The following MMD2 variants were observed in gnomAD, a reference collection of about 807,000 sequenced individuals.
The protein encoded by MMD2 is monocyte to macrophage differentiation associated 2, also known as monocyte to macrophage differentiation factor 2.
Under a neutral mutation model 33.5 loss-of-function variants are expected in MMD2, and 30 were observed. That is an observed-to-expected ratio of 0.90 (90% CI 0.67 to 1.22). The LOEUF (loss-of-function observed/expected upper bound fraction) is 1.22, where lower values mean the gene tolerates loss of function less well. MMD2 is among the 50% of genes most tolerant of loss of function. The probability of loss-of-function intolerance (pLI) is 0.00; values close to 1 mark genes in which losing one functional copy is unlikely to be tolerated. For missense variants in MMD2, 364 were observed against 325.4 expected (o/e 1.12, Z -0.91); for synonymous variants, 129 against 123.0 (o/e 1.05, Z -0.32).
At chr7:4,958,704 C>T (rs961226997) in intron 1 of MMD2, among the ~76,000 whole-genome samples, 1 of 152,232 alleles carries the variant, frequency 6.6e-6, no homozygotes, top group Non-Finnish European at 1.5e-5. Context: ...GCATAACCCC[C>T]GTTTTGCAAA....
chr7:4,895,533 T>A, the MMD2 span, among the ~76,000 whole-genome samples: 1 of 151,286 alleles, frequency 6.6e-6, no homozygotes, highest in African/African-American at 2.4e-5. Flanking sequence ...CCAGGCATTC[T>A]TTTTTTTTCT....
downstream of MMD2, among the ~76,000 whole-genome samples, chr7:4,901,004 G>T (rs1395135632): frequency 6.6e-6 from 1 of 151,980 alleles, no homozygotes. Context: ...GCCGGGTATG[G>T]TGGTGGGCGC....
chr7:4,900,245 G>C, the MMD2 span, among the ~76,000 whole-genome samples: 1 of 152,192 alleles, frequency 6.6e-6, no homozygotes, highest in East Asian at 1.9e-4. Flanking sequence ...CTGGGAGACA[G>C]AGCGAGACTG....
chr7:4,932,981 CT>C (rs60873210), intron 1 of MMD2, among the ~76,000 whole-genome samples: 24,625 of 145,040 alleles, frequency 0.17, 2,065 homozygotes, highest in East Asian at 0.29. Context: ...GTTTTACAGC[CT>C]TTTTTTTTTT....
At chr7:4,919,026 G>T (rs1330533718) in intron 3 of MMD2, among the ~76,000 whole-genome samples, 1 of 152,038 alleles carries the variant, frequency 6.6e-6, no homozygotes, top group Non-Finnish European at 1.5e-5. Flanking sequence ...TTGAGCCCTG[G>T]AGGTGGAGGC....
chr7:4,950,991 G>A (rs1786227272), intron 1 of MMD2, among the ~76,000 whole-genome samples: 1 of 152,084 alleles, frequency 6.6e-6, no homozygotes, highest in East Asian at 1.9e-4. Context: ...GGGATTACAG[G>A]CGTGAGCCAC....
intron 1 of MMD2, among the ~76,000 whole-genome samples, chr7:4,951,364 G>C (rs1786238629): frequency 6.6e-6 from 1 of 151,954 alleles, no homozygotes; most frequent in Non-Finnish European, 1.5e-5. Context: ...GGACTCGTTG[G>C]GACCAGGCTC....
chr7:4,906,167 TCCAG>T lies in MMD2; in HGVS notation c.*1225_*1228del. 1 of 253,934 alleles carries T rather than the reference TCCAG, an allele frequency of 3.9e-6. No individual in the cohort carries two copies. The highest frequency in any genetic ancestry group is 7.5e-6 in the Non-Finnish European group (1 of 134,088). 15.7% of individuals were successfully genotyped at this position (253,934 alleles called of 1,614,324 possible). The stretch of plus-strand genomic sequence containing the variant: ...CTCCTGACTTGAGACAGATTCTTTA[TCCAG>T]AGAATCTGAGATTCCAATTCAGATC... On this transcript the variant is annotated 3_prime_UTR_variant, in exon 7 of 7. Coordinates refer to ENST00000401401, the MANE Select transcript of MMD2 (RefSeq NM_198403.4).
At chr7:4,896,770 C>A in the MMD2 span, among the ~76,000 whole-genome samples, 2 of 152,150 alleles carry the variant, frequency 1.3e-5, no homozygotes, top group Non-Finnish European at 2.9e-5. Flanking sequence ...CTAAATACCC[C>A]ATTTTGTTTT....
intron 1 of MMD2, among the ~76,000 whole-genome samples, chr7:4,951,517 C>A (rs1786243085): frequency 6.6e-6 from 1 of 152,154 alleles, no homozygotes; most frequent in Non-Finnish European, 1.5e-5. Context: ...AGCCCACTTA[C>A]ATGCTGCAAC....
intron 2 of MMD2, among the ~76,000 whole-genome samples, chr7:4,921,798 A>G (rs1785292853): frequency 6.6e-6 from 1 of 152,164 alleles, no homozygotes; most frequent in Admixed American, 6.6e-5. Flanking sequence ...ACAGGTCAAC[A>G]GCAATGCACC....
At chr7:4,937,053 G>T (rs1240906651) in intron 1 of MMD2, among the ~76,000 whole-genome samples, 1 of 151,062 alleles carries the variant, frequency 6.6e-6, no homozygotes, top group African/African-American at 2.4e-5. Context: ...TCTTTAAAGG[G>T]TATCTTAGTC....
In MMD2 at chr7:4,907,423, G is replaced by A. The variant is rs549881451; in HGVS notation, c.714C>T (p.Ser238=). 12 of 1,613,914 alleles carry A rather than the reference G, an allele frequency of 7.4e-6. No individual in the cohort carries two copies. The African/African-American group carries it at 1.1e-4, about 14-fold the overall frequency. The change falls in exon 7 of 7, where the codon AGC becomes AGT. Residue 238 remains serine (S), a synonymous_variant. Transcript: ENST00000401401. ...YAIWRYLYLP[S]TLQTKVSK Reference sequence around the variant, plus strand: ...ATTTGGACACCTTGGTCTGCAGGGTGCTGGGCAGATAGAGGTACCTCCAGA... The same window carrying A: ...ATTTGGACACCTTGGTCTGCAGGGTACTGGGCAGATAGAGGTACCTCCAGA...
chr7:4,950,585 G>A (rs1185031058), intron 1 of MMD2, among the ~76,000 whole-genome samples: 1 of 152,150 alleles, frequency 6.6e-6, no homozygotes, highest in African/African-American at 2.4e-5. Context: ...CCTCAGATAA[G>A]TGGAATCATA....
chr7:4,923,484 C>T (rs1002462013), intron 2 of MMD2, among the ~76,000 whole-genome samples: 5 of 152,164 alleles, frequency 3.3e-5, no homozygotes, highest in African/African-American at 1.2e-4. Flanking sequence ...AACATGGTGC[C>T]TTCAGCAACA....
chr7:4,894,788 C>G, the MMD2 span, among the ~76,000 whole-genome samples: 1 of 152,098 alleles, frequency 6.6e-6, no homozygotes, highest in Non-Finnish European at 1.5e-5. This position sits in a 1 kb window ranked among gnomAD's most constrained non-coding sequence, Gnocchi z 4.3. Flanking sequence ...GCAGCCTCTA[C>G]GCCCCTGCCC....
chr7:4,919,647 A>G (rs1239488328), intron 3 of MMD2, among the ~76,000 whole-genome samples: 2 of 152,134 alleles, frequency 1.3e-5, no homozygotes, highest in African/African-American at 4.8e-5. Context: ...ACACTTTGGG[A>G]GGCCGAGGTG....
chr7:4,916,371 CTTTTTTTTTTTT>C (rs553309427), intron 3 of MMD2, among the ~76,000 whole-genome samples: 8 of 64,784 alleles, frequency 1.2e-4, no homozygotes, highest in Admixed American at 6.7e-4. Context: ...CTCCGTCCCA[CTTTTTTTTTTTT>C]TTTTTTTTTT....
At chr7:4,897,451 G>A in the MMD2 span, among the ~76,000 whole-genome samples, 1 of 152,096 alleles carries the variant, frequency 6.6e-6, no homozygotes, top group Non-Finnish European at 1.5e-5. Flanking sequence ...TGCCGCAAAC[G>A]CCACTCTCAG....
Sources: gnomAD v4.1 joint callset for allele counts (sites outside exome capture counted in the v4.1 genomes callset) on GRCh38, gnomAD v4.1.1 for gene constraint, Gnocchi (gnomAD v3.1) non-coding constraint, MANE v1.5 for transcripts, NCBI Gene and HGNC (gene_info 2026-07-23, HGNC 2026-07-21) for gene names.